SESTD1: variants seen among roughly 807,000 people sequenced by gnomAD.
SESTD1 encodes SEC14 and spectrin domain containing 1.
A neutral mutation model predicts 101.7 loss-of-function variants in SESTD1; 43 were observed. The ratio of observed to expected loss-of-function variants is 0.42; its 90% CI spans 0.33 to 0.55. SESTD1 has a LOEUF of 0.55. SESTD1 is among the 20% of genes least tolerant of loss of function. The probability of loss-of-function intolerance (pLI) is 0.07; values close to 1 mark genes in which losing one functional copy is unlikely to be tolerated. For missense variants in SESTD1, 647 were observed against 815.1 expected (o/e 0.79, Z 2.51); for synonymous variants, 283 against 286.8 (o/e 0.99, Z 0.13).
chr2:179,172,162 C>A lies in SESTD1; in HGVS notation c.327G>T (p.Thr109=), dbSNP rs765983135. The A allele has an allele frequency of 6.2e-7, 1 of 1,609,738 alleles. No homozygotes were observed. Among genetic ancestry groups the A allele is most frequent in the Non-Finnish European group, 8.5e-7 (1 of 1,177,380 alleles). ...KPDEFWDKKV[T]HFCFWKEKDR... is the part of the protein sequence containing the mutation. ...CCTTCTCCTTCCAAAAACAAAAATG[C>A]GTTACTTTCTTATCCCAGAATTCAT... Residue 109 remains threonine (T), a synonymous_variant, in exon 5 of 18, where the codon ACG becomes ACT. Transcript: ENST00000428443.
intron 3 of SESTD1, among the ~76,000 whole-genome samples, chr2:179,181,046 C>T (rs2046098521): frequency 6.6e-6 from 1 of 152,182 alleles, no homozygotes; most frequent in South Asian, 2.1e-4. Context: ...CAACTTACAC[C>T]TTCTCTGCTA....
intron 1 of SESTD1, among the ~76,000 whole-genome samples, chr2:179,247,208 A>G (rs1014408110): frequency 6.6e-6 from 1 of 151,768 alleles, no homozygotes; most frequent in African/African-American, 2.4e-5. Flanking sequence ...ATGCATGCTG[A>G]TCAGATCAGG....
intron 6 of SESTD1, among the ~76,000 whole-genome samples, chr2:179,149,979 G>C (rs1292904072): frequency 6.6e-6 from 1 of 152,178 alleles, no homozygotes; most frequent in African/African-American, 2.4e-5. Flanking sequence ...TGTAATCCCA[G>C]CATTTTGGGA....
intron 17 of SESTD1, among the ~76,000 whole-genome samples, chr2:179,111,778 G>A (rs921520512): frequency 1.4e-5 from 2 of 148,108 alleles, no homozygotes; most frequent in Admixed American, 1.3e-4. Context: ...GGAGCGCAGT[G>A]GCGTGATCTC....
intron 16 of SESTD1, 148 bp downstream of exon 16, chr2:179,114,917 T>G: frequency 1.4e-6 from 1 of 696,876 alleles, no homozygotes; most frequent in Non-Finnish European, 2.3e-6. Context: ...TCTAAGGCAA[T>G]GTATTATATC....
chr2:179,129,733 G>T (rs2044966178), intron 10 of SESTD1, among the ~76,000 whole-genome samples: 1 of 152,162 alleles, frequency 6.6e-6, no homozygotes, highest in South Asian at 2.1e-4. Context: ...GTTACAGAGA[G>T]AAAAGAAAGC....
rs149297240 is a variant in SESTD1 at position 179,141,285 on chromosome 2, A to C, written c.849+2307T>G. Among the ~76,000 whole-genome samples the C allele has an allele frequency of 2.7e-3, 404 of 152,292 alleles. 4 individuals are homozygous for C. Among genetic ancestry groups the C allele is most frequent in the African/African-American group, 9.2e-3 (381 of 41,570 alleles). On this transcript the variant is annotated intron_variant, in intron 9 of 17. Transcript: ENST00000428443. The stretch of plus-strand genomic sequence containing the variant: ...TAGGTGGGCAACACCATTATCTTGC[A>C]AACTAGGACACCAAGTCTTACAAGT...
intron 1 of SESTD1, among the ~76,000 whole-genome samples, chr2:179,253,651 G>A (rs1014652048): frequency 7.2e-5 from 11 of 152,142 alleles, no homozygotes; most frequent in African/African-American, 1.9e-4. Context: ...CTGAAGTATC[G>A]TTTGTATAAA....
intron 1 of SESTD1, among the ~76,000 whole-genome samples, chr2:179,221,145 A>T (rs2046808532): frequency 6.6e-6 from 1 of 152,210 alleles, no homozygotes; most frequent in Non-Finnish European, 1.5e-5. Flanking sequence ...TGTACCAAAC[A>T]CTACATTGGG....
At chr2:179,242,383 T>C (rs1349569355) in intron 1 of SESTD1, among the ~76,000 whole-genome samples, 1 of 152,122 alleles carries the variant, frequency 6.6e-6, no homozygotes, top group Non-Finnish European at 1.5e-5. Flanking sequence ...AAAATGGCCA[T>C]ACTGCCCAAA....
chr2:179,171,129 A>C (rs2045922935), intron 5 of SESTD1, among the ~76,000 whole-genome samples: 1 of 152,172 alleles, frequency 6.6e-6, no homozygotes, highest in Non-Finnish European at 1.5e-5. Context: ...GTGAGGAGAC[A>C]CTTCCTGATT....
chr2:179,168,229 A>G (rs2045869643), intron 5 of SESTD1, among the ~76,000 whole-genome samples: 1 of 152,140 alleles, frequency 6.6e-6, no homozygotes, highest in African/African-American at 2.4e-5. Flanking sequence ...GACCTTTATG[A>G]TGATCCACTT....
At chr2:179,115,281 A>C (rs749896233) in intron 15 of SESTD1, 25 bp from the exon 16 acceptor site, 1 of 1,533,328 alleles carries the variant, frequency 6.5e-7, no homozygotes, top group African/African-American at 1.4e-5. Flanking sequence ...GAAACATAAA[A>C]TTGTAATAAA....
In SESTD1 at chr2:179,165,373, A is replaced by G. The variant is rs78159359; in HGVS notation, c.369+6747T>C. ...TTTAATCACTATTAATTTCTATAAC[A>G]TAAGACCCAACTACCAGAGCATCTC... On this transcript the variant is annotated intron_variant, in intron 5 of 17. Transcript: ENST00000428443. Among the ~76,000 whole-genome samples the G allele has an allele frequency of 2.5e-3, 379 of 152,338 alleles. 2 individuals carry two copies. The highest frequency in any genetic ancestry group is 8.4e-3 in the African/African-American group (351 of 41,572).
intron 3 of SESTD1, 116 bp from the exon 4 acceptor site, chr2:179,176,654 G>T: frequency 1.6e-6 from 1 of 642,924 alleles, no homozygotes; most frequent in Non-Finnish European, 2.5e-6. Context: ...AATCTCACTT[G>T]GTTTAGTTTA....
intron 3 of SESTD1, among the ~76,000 whole-genome samples, chr2:179,182,786 T>A (rs946765997): frequency 6.6e-6 from 1 of 152,152 alleles, no homozygotes; most frequent in South Asian, 2.1e-4. Context: ...TTCTACTGAT[T>A]AAATTCTCCA....
chr2:179,231,859 G>A (rs571791612), intron 1 of SESTD1, among the ~76,000 whole-genome samples: 3 of 151,344 alleles, frequency 2.0e-5, no homozygotes, highest in African/African-American at 7.3e-5. Flanking sequence ...ATATGACACA[G>A]AGAAACACTG....
At chr2:179,218,564 C>CA (rs150261122) in intron 1 of SESTD1, among the ~76,000 whole-genome samples, 39,366 of 151,636 alleles carry the variant, frequency 0.26, 5,286 homozygotes, top group South Asian at 0.43. Flanking sequence ...CAAGAAGCAC[C>CA]AAAAAAAACT....
At chr2:179,128,257 T>C (rs1393432970) in intron 10 of SESTD1, among the ~76,000 whole-genome samples, 1 of 152,184 alleles carries the variant, frequency 6.6e-6, no homozygotes, top group Non-Finnish European at 1.5e-5. Flanking sequence ...ACCAGGGATG[T>C]AAATACATTG....
Sources: gnomAD v4.1 joint callset for allele counts (sites outside exome capture counted in the v4.1 genomes callset) on GRCh38, gnomAD v4.1.1 for gene constraint, MANE v1.5 for transcripts, NCBI Gene and HGNC (gene_info 2026-07-23, HGNC 2026-07-21) for gene names.